STIM1: variants seen among roughly 807,000 people sequenced by gnomAD.
STIM1 encodes stromal interaction molecule 1.
STIM1 carries 25 observed loss-of-function variants against 74.7 expected under a neutral mutation model. That is an observed-to-expected ratio of 0.33 (90% CI 0.24 to 0.47). STIM1 has a LOEUF of 0.47. Ranked by LOEUF, STIM1 falls within the 20% of genes least tolerant of loss-of-function variation. The pLI is 1.00. For synonymous variants in STIM1, 328 were observed against 348.8 expected, an observed-to-expected ratio of 0.94 and a Z score of 0.66; for missense variants, 728 against 920.8, an observed-to-expected ratio of 0.79 and a Z score of 2.71.
rs201887105 is a variant in STIM1, at chr11:3,856,443, G to C, written c.139+34G>C. Reference sequence around the variant, plus strand: ...TTGCTGCGGGCTGGACTGGGCTGGAGGCTTTGGCTCAGGACTGAGTGGCCC... The same window carrying C: ...TTGCTGCGGGCTGGACTGGGCTGGACGCTTTGGCTCAGGACTGAGTGGCCC... On this transcript the variant is annotated intron_variant, in intron 1 of 12. Coordinates refer to ENST00000526596, the MANE Select transcript of STIM1 (RefSeq NM_001382567.1). The C allele has an allele frequency of 3.1e-6, 5 of 1,608,926 alleles. No individual in the cohort carries two copies. In the South Asian group the frequency reaches 5.5e-5, roughly 18 times the overall value.
intron 1 of STIM1, among the ~76,000 whole-genome samples, chr11:3,927,680 C>G (rs1473959270): frequency 6.6e-6 from 1 of 152,110 alleles, no homozygotes; most frequent in East Asian, 1.9e-4. Flanking sequence ...ATTACAGTGG[C>G]TAGAGATAGT....
At chr11:3,924,742 T>C (rs1304369783) in intron 1 of STIM1, among the ~76,000 whole-genome samples, 3 of 152,208 alleles carry the variant, frequency 2.0e-5, no homozygotes, top group African/African-American at 4.8e-5. Flanking sequence ...CCTTTTAAAA[T>C]TCCAGTTGAA....
intron 7 of STIM1, 100 bp downstream of exon 7, chr11:4,074,779 T>G (rs1259959369): frequency 6.1e-6 from 8 of 1,306,780 alleles, no homozygotes; most frequent in Non-Finnish European, 8.5e-6. Flanking sequence ...ATTTGAAATA[T>G]GATCCAAAGA....
intron 2 of STIM1, among the ~76,000 whole-genome samples, chr11:3,997,489 T>TA (rs559475144): frequency 4.7e-5 from 7 of 149,106 alleles, no homozygotes; most frequent in South Asian, 2.1e-4. Flanking sequence ...ACCCTGTCTC[T>TA]AAAAAAAAAA....
At chr11:3,934,730 A>G (rs2092912432) in intron 1 of STIM1, among the ~76,000 whole-genome samples, 1 of 152,242 alleles carries the variant, frequency 6.6e-6, no homozygotes, top group Admixed American at 6.5e-5. Context: ...TTTCTCTTCC[A>G]TAATTCACTG....
intron 2 of STIM1, among the ~76,000 whole-genome samples, chr11:4,022,707 C>A (rs889334413): frequency 6.6e-6 from 1 of 152,174 alleles, no homozygotes; most frequent in Non-Finnish European, 1.5e-5. Flanking sequence ...CACTCACATA[C>A]CTGACTCCTG....
intron 1 of STIM1, among the ~76,000 whole-genome samples, chr11:3,910,627 C>G (rs1428135205): frequency 6.6e-6 from 1 of 152,008 alleles, no homozygotes; most frequent in African/African-American, 2.4e-5. Context: ...TACTAAATAC[C>G]ACTGAATTGT....
At chr11:3,879,970 G>A (rs2091440451) in intron 1 of STIM1, among the ~76,000 whole-genome samples, 2 of 152,172 alleles carry the variant, frequency 1.3e-5, no homozygotes, top group Admixed American at 6.5e-5. Context: ...GTTGAACTAA[G>A]AAGCATTAGA....
At chr11:3,962,671 T>C (rs536225082) in intron 1 of STIM1, among the ~76,000 whole-genome samples, 1 of 152,304 alleles carries the variant, frequency 6.6e-6, no homozygotes, top group East Asian at 1.9e-4. Context: ...CTGTTTTTCA[T>C]AGAGGTTGTA....
chr11:3,950,126 G>A (rs1292030626), intron 1 of STIM1, among the ~76,000 whole-genome samples: 2 of 151,190 alleles, frequency 1.3e-5, no homozygotes, highest in Admixed American at 6.6e-5. Flanking sequence ...TGTATCAATA[G>A]GTCATTCATT....
At chr11:4,008,556 G>A (rs1363020166) in intron 2 of STIM1, among the ~76,000 whole-genome samples, 2 of 152,150 alleles carry the variant, frequency 1.3e-5, no homozygotes, top group East Asian at 3.8e-4. Flanking sequence ...AAACAAGTAA[G>A]ATAATTATTT....
At chr11:3,995,456 T>C (rs373910809) in intron 2 of STIM1, among the ~76,000 whole-genome samples, 2 of 152,136 alleles carry the variant, frequency 1.3e-5, no homozygotes, top group African/African-American at 4.8e-5. Flanking sequence ...TGGATGATAA[T>C]GGTTTGGGCA....
intron 1 of STIM1, among the ~76,000 whole-genome samples, chr11:3,875,468 G>C (rs2091277645): frequency 1.3e-5 from 2 of 152,174 alleles, no homozygotes; most frequent in African/African-American, 2.4e-5. Context: ...GCTCATGCTT[G>C]TAATCCCAGC....
At chr11:3,860,808 A>G (rs2090565726) in intron 1 of STIM1, among the ~76,000 whole-genome samples, 1 of 152,218 alleles carries the variant, frequency 6.6e-6, no homozygotes, top group Non-Finnish European at 1.5e-5. Context: ...AGTGAAAATA[A>G]TGGGTGCTCA....
Position 4,062,431 on chromosome 11 carries a change from C to A in STIM1, c.613+3035C>A, listed in dbSNP as rs2094337399. Among the ~76,000 whole-genome samples, 3 of 152,232 alleles carry A rather than the reference C, an allele frequency of 2.0e-5. No homozygotes were observed. In the South Asian group the frequency reaches 6.2e-4, roughly 32 times the overall value. ...GGACAGGAGTTTGAGAACAGCCTGG[C>A]CAACATGGCAAAACCCTGTCTCTAC... On this transcript the variant is annotated intron_variant, in intron 5 of 12. Coordinates refer to ENST00000526596, the MANE Select transcript of STIM1 (RefSeq NM_001382567.1).
chr11:4,061,034 TCTC>T (rs1554969408), intron 5 of STIM1, among the ~76,000 whole-genome samples: 1 of 152,210 alleles, frequency 6.6e-6, no homozygotes, highest in Non-Finnish European at 1.5e-5. Context: ...TTGCAGAGGT[TCTC>T]CTCTGTCACC....
intron 3 of STIM1, among the ~76,000 whole-genome samples, chr11:4,038,105 G>C (rs2094118666): frequency 6.6e-6 from 1 of 151,372 alleles, no homozygotes; most frequent in Non-Finnish European, 1.5e-5. Context: ...TGTGATCTTG[G>C]CTTACTGCAA....
chr11:3,992,740 T>A (rs1038806768), intron 2 of STIM1, among the ~76,000 whole-genome samples: 16 of 152,074 alleles, frequency 1.1e-4, no homozygotes, highest in Non-Finnish European at 2.4e-4. Flanking sequence ...CTTCTAAGAG[T>A]TTTAAAGGCA....
At chr11:4,074,801 A>G (rs2094428087) in intron 7 of STIM1, 122 bp downstream of exon 7, 2 of 1,134,168 alleles carry the variant, frequency 1.8e-6, no homozygotes, top group East Asian at 2.6e-5. Context: ...TATGTTCTAG[A>G]GTCACTGGAC....
Sources: allele counts gnomAD v4.1 joint callset (sites outside exome capture counted in the v4.1 genomes callset), GRCh38; gene constraint gnomAD v4.1.1; transcripts MANE v1.5; gene names NCBI Gene and HGNC (gene_info 2026-07-23, HGNC 2026-07-21).